INTU: variants seen among roughly 807,000 people sequenced by gnomAD.
INTU encodes inturned planar cell polarity protein.
INTU carries 68 observed loss-of-function variants against 100.5 expected under a neutral mutation model. The observed-to-expected ratio is 0.68, with a 90% CI of 0.56 to 0.83. The LOEUF (loss-of-function observed/expected upper bound fraction) is 0.83. Among genes scored for constraint, INTU ranks in the 40% least tolerant of loss-of-function variants. The pLI, the probability that INTU is intolerant of heterozygous loss-of-function variation, is 0.00. For missense variants in INTU, 1,071 were observed against 1,114.7 expected (o/e 0.96, Z 0.56); for synonymous variants, 357 against 395.7 (o/e 0.90, Z 1.16).
In INTU at chr4:127,711,012, A is replaced by G. The variant is rs548949027; in HGVS notation, c.2469A>G (p.Leu823=). ...ITPTLEEVAQ[L]SGSIHPQLIK... is the part of the protein sequence containing the mutation. ...CTACCCTTGAAGAGGTGGCACAGCTAAGTGGCTCTATCCACCCTCAGCTAA... is the reference window on the plus strand; with the variant it reads ...CTACCCTTGAAGAGGTGGCACAGCTGAGTGGCTCTATCCACCCTCAGCTAA... The change falls in exon 14 of 16, where the codon CTA becomes CTG. Residue 823 remains leucine (L), a synonymous_variant. Coordinates refer to ENST00000335251, the MANE Select transcript of INTU (RefSeq NM_015693.4). 6.2e-7 allele frequency: 1 copy of G among 1,609,690 alleles called. No individual in the cohort carries two copies. Among genetic ancestry groups the G allele is most frequent in the African/African-American group, 1.3e-5 (1 of 75,010 alleles).
chr4:127,654,379 T>G (rs1451855966), intron 2 of INTU, among the ~76,000 whole-genome samples: 4 of 152,216 alleles, frequency 2.6e-5, no homozygotes, highest in Non-Finnish European at 5.9e-5. Flanking sequence ...CCTTTCCATG[T>G]TTAGTGCTTC....
chr4:127,690,536 G>C (rs1730069442), intron 8 of INTU, among the ~76,000 whole-genome samples: 1 of 152,168 alleles, frequency 6.6e-6, no homozygotes, highest in South Asian at 2.1e-4. Flanking sequence ...ATCTGGCTTA[G>C]ATGTTTTCTA....
chr4:127,669,214 C>T, intron 5 of INTU, 60 bp downstream of exon 5: 1 of 758,702 alleles, frequency 1.3e-6, no homozygotes, highest in Non-Finnish European at 2.2e-6. Context: ...TTCACCCTGA[C>T]AAAATGCTAA....
chr4:127,666,756 T>C (rs1447443112), intron 4 of INTU, among the ~76,000 whole-genome samples: 2 of 152,238 alleles, frequency 1.3e-5, no homozygotes, highest in South Asian at 2.1e-4. Context: ...CGCAAGGGTC[T>C]CTCAGAGCAT....
chr4:127,643,072 T>C (rs1727403577), intron 1 of INTU, among the ~76,000 whole-genome samples: 1 of 152,236 alleles, frequency 6.6e-6, no homozygotes, highest in South Asian at 2.1e-4. Flanking sequence ...ATAATTTCTA[T>C]GCAAATAATA....
At chr4:127,671,012 A>G (rs1262545658) in intron 5 of INTU, among the ~76,000 whole-genome samples, 2 of 152,118 alleles carry the variant, frequency 1.3e-5, no homozygotes, top group East Asian at 3.8e-4. Context: ...TAAAAATGCT[A>G]GAAGAAAACC....
chr4:127,705,433 G>A (rs1730835289), intron 10 of INTU, among the ~76,000 whole-genome samples, 158 bp from the exon 11 acceptor site: 1 of 152,150 alleles, frequency 6.6e-6, no homozygotes, highest in South Asian at 2.1e-4. Context: ...TTGACCTCAA[G>A]AAAAGAAACA....
At chr4:127,668,797 A>G (rs1343661982) in intron 4 of INTU, among the ~76,000 whole-genome samples, 1 of 151,832 alleles carries the variant, frequency 6.6e-6, no homozygotes, top group African/African-American at 2.4e-5. Context: ...TACTTAGTAT[A>G]TTATTTGTTA....
At chr4:127,654,384 T>C (rs370574944) in intron 2 of INTU, among the ~76,000 whole-genome samples, 1 of 152,192 alleles carries the variant, frequency 6.6e-6, no homozygotes, top group Non-Finnish European at 1.5e-5. Flanking sequence ...CCATGTTTAG[T>C]GCTTCCTTCA....
At chr4:127,654,762 G>A (rs1728096329) in intron 2 of INTU, among the ~76,000 whole-genome samples, 1 of 146,490 alleles carries the variant, frequency 6.8e-6, no homozygotes, top group Non-Finnish European at 1.5e-5. Context: ...GAATCTGAAC[G>A]TTGGCCTGCC....
chr4:127,641,828 C>T (rs749342611), intron 1 of INTU, among the ~76,000 whole-genome samples: 2 of 152,114 alleles, frequency 1.3e-5, no homozygotes, highest in African/African-American at 2.4e-5. Flanking sequence ...TTGGCCACCA[C>T]GTGCATGGAT....
intron 9 of INTU, among the ~76,000 whole-genome samples, chr4:127,703,183 A>G (rs1315629253): frequency 1.3e-5 from 2 of 152,176 alleles, no homozygotes; most frequent in African/African-American, 4.8e-5. Context: ...AATATTGCTG[A>G]ATAGTAGTAT....
intron 2 of INTU, 35 bp downstream of exon 2, chr4:127,644,091 C>A: frequency 6.4e-7 from 1 of 1,573,402 alleles, no homozygotes; most frequent in South Asian, 1.2e-5. Flanking sequence ...TCCCTGTTTA[C>A]AGAGATCTTG....
At chr4:127,674,908 C>T (rs1480166713) in intron 6 of INTU, among the ~76,000 whole-genome samples, 2 of 152,168 alleles carry the variant, frequency 1.3e-5, no homozygotes, top group Non-Finnish European at 2.9e-5. Context: ...GGTTCAGTAA[C>T]TTGCCAAAGC....
intron 4 of INTU, among the ~76,000 whole-genome samples, chr4:127,664,367 C>A (rs73847033): frequency 0.02 from 3,083 of 152,072 alleles, 97 homozygotes; most frequent in African/African-American, 0.07. Flanking sequence ...ACCTTTCAAC[C>A]TCAATGTTTT....
At chr4:127,703,616 A>G (rs1730746253) in intron 9 of INTU, among the ~76,000 whole-genome samples, 2 of 152,218 alleles carry the variant, frequency 1.3e-5, no homozygotes, top group South Asian at 4.1e-4. Context: ...CATATAGATC[A>G]ATCATATTTT....
chr4:127,714,828 A>C (rs559997839), intron 15 of INTU, among the ~76,000 whole-genome samples: 1 of 152,040 alleles, frequency 6.6e-6, no homozygotes, highest in Non-Finnish European at 1.5e-5. Flanking sequence ...GGCACATAAT[A>C]TAGTCACTTG....
In INTU at chr4:127,644,029, G is replaced by A. The variant is rs1314829108; in HGVS notation, c.655G>A (p.Ala219Thr). 1 of 1,613,904 alleles carries A rather than the reference G, an allele frequency of 6.2e-7. No individual in the cohort carries two copies. Among genetic ancestry groups the A allele is most frequent in the Non-Finnish European group, 8.5e-7 (1 of 1,179,914 alleles). ...TCATGGCCTGCTGCCAGGGGGATCT[G>A]CTATGAAGAGCGGTCAGGTACTCAT... The part of the protein sequence containing the change: ...VVHGLLPGGS[A>T]MKSGQVLIGD... Residue 219 changes from alanine to threonine, a missense_variant, in exon 2 of 16, where the codon GCT (alanine) becomes ACT (threonine). Coordinates refer to ENST00000335251, the MANE Select transcript of INTU (RefSeq NM_015693.4).
intron 4 of INTU, among the ~76,000 whole-genome samples, chr4:127,664,730 C>T (rs959785179): frequency 7.9e-5 from 12 of 151,280 alleles, no homozygotes; most frequent in African/African-American, 2.9e-4. Context: ...TTTTTTCTTT[C>T]TTTTTCTCAG....
Sources: gnomAD v4.1 joint callset for allele counts (sites outside exome capture counted in the v4.1 genomes callset) on GRCh38, gnomAD v4.1.1 for gene constraint, MANE v1.5 for transcripts, NCBI Gene and HGNC (gene_info 2026-07-23, HGNC 2026-07-21) for gene names.